Variants in EPB41L4A observed in about 807,000 individuals in gnomAD.
EPB41L4A encodes band 4.1-like protein 4A.
Under a neutral mutation model 108.6 loss-of-function variants are expected in EPB41L4A, and 100 were observed. That is an observed-to-expected ratio of 0.92 (90% CI 0.78 to 1.09). The LOEUF is 1.09. EPB41L4A is among the 50% of genes least tolerant of loss of function. The pLI, the probability that EPB41L4A is intolerant of heterozygous loss-of-function variation, is 0.00. For missense variants in EPB41L4A, 1,030 were observed against 842.7 expected (o/e 1.22, Z -2.75); for synonymous variants, 319 against 289.0 (o/e 1.10, Z -1.05).
chr5:112,366,104 C>A (rs1759104183), intron 1 of EPB41L4A, among the ~76,000 whole-genome samples: 1 of 152,096 alleles, frequency 6.6e-6, no homozygotes, highest in South Asian at 2.1e-4. Flanking sequence ...GACCCAGAGA[C>A]AGACTAAGGA....
At chr5:112,176,680 T>C (rs1291448928) in intron 18 of EPB41L4A, among the ~76,000 whole-genome samples, 1 of 152,030 alleles carries the variant, frequency 6.6e-6, no homozygotes, top group African/African-American at 2.4e-5. Flanking sequence ...TGCAAAGTTT[T>C]CTAATTGCTT....
intron 4 of EPB41L4A, among the ~76,000 whole-genome samples, chr5:112,267,098 T>C (rs889399733): frequency 1.3e-5 from 2 of 152,148 alleles, no homozygotes; most frequent in Non-Finnish European, 2.9e-5. Context: ...TAACTTTGAT[T>C]AGTTTTATTT....
chr5:112,165,168 T>G (rs779627577), intron 22 of EPB41L4A, 50 bp from the exon 23 acceptor site: 9 of 1,448,732 alleles, frequency 6.2e-6, no homozygotes, highest in Non-Finnish European at 8.6e-6. Flanking sequence ...AACAGCCAAA[T>G]GAAGTATTTT....
At chr5:112,205,131 T>C (rs966845170) in intron 14 of EPB41L4A, among the ~76,000 whole-genome samples, 3 of 152,230 alleles carry the variant, frequency 2.0e-5, no homozygotes, top group African/African-American at 7.2e-5. Flanking sequence ...ATTATTAATA[T>C]GCCATTTAGA....
intron 1 of EPB41L4A, among the ~76,000 whole-genome samples, chr5:112,340,485 T>C (rs1376903508): frequency 6.6e-6 from 1 of 152,164 alleles, no homozygotes; most frequent in Non-Finnish European, 1.5e-5. Flanking sequence ...TCACACTTCT[T>C]ATCTGCCTCT....
chr5:112,208,023 G>A (rs377263121), intron 13 of EPB41L4A, among the ~76,000 whole-genome samples: 11 of 152,168 alleles, frequency 7.2e-5, no homozygotes, highest in South Asian at 6.2e-4. Flanking sequence ...CAAGGCAGGC[G>A]GATCCCGAGG....
At chr5:112,280,087 A>T (rs1253929127) in intron 3 of EPB41L4A, among the ~76,000 whole-genome samples, 185 bp downstream of exon 3, 1 of 152,224 alleles carries the variant, frequency 6.6e-6, no homozygotes, top group Non-Finnish European at 1.5e-5. Context: ...AAACTGATTA[A>T]ATTTAATCTG....
At chr5:112,375,336 T>TACACACACACAC (rs756227057) in intron 1 of EPB41L4A, among the ~76,000 whole-genome samples, 6 of 134,280 alleles carry the variant, frequency 4.5e-5, no homozygotes, top group East Asian at 2.0e-4. Context: ...CACACACACA[T>TACACACACACAC]ACACACACAC....
At chr5:112,206,588 C>T (rs868211687) in intron 13 of EPB41L4A, among the ~76,000 whole-genome samples, 11 of 151,334 alleles carry the variant, frequency 7.3e-5, no homozygotes, top group African/African-American at 9.7e-5. Flanking sequence ...ATATTTAATA[C>T]GATAGTAGAA....
chr5:112,399,051 A>G (rs1023996254), intron 1 of EPB41L4A, among the ~76,000 whole-genome samples: 2 of 152,122 alleles, frequency 1.3e-5, no homozygotes, highest in Admixed American at 1.3e-4. Flanking sequence ...CAACGTGCGG[A>G]GCGGTGAATC....
At chr5:112,233,074 A>G (rs1156713532) in intron 12 of EPB41L4A, among the ~76,000 whole-genome samples, 3 of 152,242 alleles carry the variant, frequency 2.0e-5, no homozygotes, top group Non-Finnish European at 4.4e-5. Context: ...CCAAATATCC[A>G]TCAACAGTAG....
intron 9 of EPB41L4A, among the ~76,000 whole-genome samples, chr5:112,246,845 C>A (rs564939449): frequency 6.6e-6 from 1 of 152,274 alleles, no homozygotes; most frequent in Admixed American, 6.5e-5. Context: ...TCCCTACCCC[C>A]CTCTTACATG....
At chr5:112,194,758 T>C (rs1244686574) in intron 16 of EPB41L4A, 113 bp from the exon 17 acceptor site, 5 of 624,632 alleles carry the variant, frequency 8.0e-6, no homozygotes, top group African/African-American at 1.9e-5. Context: ...AAATTATCAA[T>C]CCAAACATCA....
chr5:112,362,482 T>C (rs1758835897), intron 1 of EPB41L4A, among the ~76,000 whole-genome samples: 1 of 152,082 alleles, frequency 6.6e-6, no homozygotes, highest in African/African-American at 2.4e-5. Context: ...GATTTCACCA[T>C]GTTGCCCAGG....
At chr5:112,301,176 T>A (rs1412187211) in intron 2 of EPB41L4A, among the ~76,000 whole-genome samples, 1 of 152,190 alleles carries the variant, frequency 6.6e-6, no homozygotes, top group Non-Finnish European at 1.5e-5. Flanking sequence ...TCGGTTTAGA[T>A]CCACTGCTGA....
intron 1 of EPB41L4A, among the ~76,000 whole-genome samples, chr5:112,388,558 G>A (rs1054403017): frequency 6.6e-5 from 10 of 152,180 alleles, no homozygotes; most frequent in East Asian, 3.8e-4. Context: ...TGAAGAGACC[G>A]AGAGAGAATG....
intron 12 of EPB41L4A, among the ~76,000 whole-genome samples, chr5:112,224,613 A>C (rs371916544): frequency 1.4e-4 from 22 of 152,356 alleles, no homozygotes; most frequent in African/African-American, 5.3e-4. Context: ...CCAGGAATTC[A>C]GGGCTACTCA....
At chr5:112,377,601 G>A (rs1673641932) in intron 1 of EPB41L4A, among the ~76,000 whole-genome samples, 1 of 152,072 alleles carries the variant, frequency 6.6e-6, no homozygotes, top group African/African-American at 2.4e-5. Context: ...TCAATAAAAA[G>A]GGGGCATCCT....
At chr5:112,338,767 C>T (rs1176683310) in intron 1 of EPB41L4A, among the ~76,000 whole-genome samples, 1 of 152,204 alleles carries the variant, frequency 6.6e-6, no homozygotes, top group Non-Finnish European at 1.5e-5. Context: ...ACTGCCTAAG[C>T]ATTTATTAGA....
Sources: gnomAD v4.1 joint callset for allele counts (sites outside exome capture counted in the v4.1 genomes callset) on GRCh38, gnomAD v4.1.1 for gene constraint, MANE v1.5 for transcripts, NCBI Gene and HGNC (gene_info 2026-07-23, HGNC 2026-07-21) for gene names.